The following ADGB variants were observed in gnomAD, a reference collection of about 807,000 sequenced individuals.
The protein encoded by ADGB is calpain-7-like protein.
ADGB carries 172 observed loss-of-function variants against 210.5 expected under a neutral mutation model. The observed-to-expected ratio is 0.82, with a 90% confidence interval of 0.72 to 0.93. ADGB has a LOEUF of 0.93. ADGB is among the 40% of genes least tolerant of loss of function. The probability of loss-of-function intolerance (pLI) is 0.00; values close to 1 mark genes in which losing one functional copy is unlikely to be tolerated. For missense variants in ADGB, 2,025 were observed against 1,964.8 expected (o/e 1.03, Z -0.58); for synonymous variants, 658 against 662.7 (o/e 0.99, Z 0.11).
At chr6:146,774,699 T>C (rs1345904883) in intron 29 of ADGB, among the ~76,000 whole-genome samples, 1 of 152,200 alleles carries the variant, frequency 6.6e-6, no homozygotes, top group Non-Finnish European at 1.5e-5. Context: ...ATGTATCAAT[T>C]ATATATACAA....
At chr6:146,682,392 A>G (rs750091843) in intron 9 of ADGB, among the ~76,000 whole-genome samples, 261 of 152,276 alleles carry the variant, frequency 1.7e-3, no homozygotes, top group Middle Eastern at 3.4e-3. Flanking sequence ...TATAATTAGT[A>G]TGGCAGTTGT....
intron 10 of ADGB, among the ~76,000 whole-genome samples, chr6:146,689,684 A>C (rs1776275889): frequency 6.6e-6 from 1 of 152,108 alleles, no homozygotes; most frequent in African/African-American, 2.4e-5. Flanking sequence ...TTTGAGTTTG[A>C]CTTCTATTTT....
At chr6:146,674,297 A>G (rs796578240) in intron 8 of ADGB, among the ~76,000 whole-genome samples, 8 of 152,300 alleles carry the variant, frequency 5.3e-5, no homozygotes, top group African/African-American at 1.9e-4. Context: ...GGAAGCTGAT[A>G]GAGAAGAATG....
At chr6:146,670,434 G>A (rs575715667) in intron 7 of ADGB, among the ~76,000 whole-genome samples, 2 of 152,090 alleles carry the variant, frequency 1.3e-5, no homozygotes, top group South Asian at 2.1e-4. Context: ...TCTACCTTAC[G>A]GTCCTTACAT....
intron 14 of ADGB, among the ~76,000 whole-genome samples, chr6:146,715,733 A>C (rs936289227): frequency 2.6e-5 from 4 of 152,142 alleles, no homozygotes; most frequent in African/African-American, 9.7e-5. Context: ...CCAAGAATTG[A>C]ATTCAAAATT....
chr6:146,733,141 C>G lies in ADGB; in HGVS notation c.2542C>G (p.Arg848Gly). The change falls in exon 21 of 36, where the codon CGT (arginine) becomes GGT (glycine). Residue 848 changes from arginine to glycine, a missense_variant. Coordinates refer to ENST00000397944, the MANE Select transcript of ADGB (RefSeq NM_024694.4). The part of the protein sequence containing the change: ...HFRVFHLSLW[R>G]LMKKVQITKP... ...TCAGGTTTTTCATCTTTCCTTATGG[C>G]GTTTAATGAAAAAAGTTCAAATAAC... 2.6e-6 allele frequency: 4 copies of G among 1,526,526 alleles called. No homozygotes were observed. Among genetic ancestry groups the G allele is most frequent in the South Asian group, 1.3e-5 (1 of 79,300 alleles). 94.6% of individuals were successfully genotyped at this position (1,526,526 alleles called of 1,614,324 possible). A position where few individuals can be genotyped will look rare whatever the true frequency, so the allele number is the denominator to read the frequency against.
chr6:146,741,399 T>C (rs981453710), intron 25 of ADGB, 128 bp downstream of exon 25: 2 of 778,110 alleles, frequency 2.6e-6, no homozygotes, highest in African/African-American at 3.6e-5. Flanking sequence ...CCCTGATCTT[T>C]CACTATAGAA....
intron 33 of ADGB, among the ~76,000 whole-genome samples, chr6:146,795,914 G>A: frequency 6.6e-6 from 1 of 152,086 alleles, no homozygotes. Context: ...CAAACTCGCT[G>A]TTTGCTGATG....
chr6:146,809,591 G>T (rs1372896729), intron 35 of ADGB, among the ~76,000 whole-genome samples: 1 of 152,092 alleles, frequency 6.6e-6, no homozygotes, highest in Non-Finnish European at 1.5e-5. Context: ...ATCCACCCAT[G>T]TCAGCTTGCT....
intron 12 of ADGB, 143 bp from the exon 13 acceptor site, chr6:146,700,798 A>G: frequency 3.2e-6 from 3 of 940,150 alleles, no homozygotes; most frequent in Non-Finnish European, 4.7e-6. Context: ...TGAGGTAAAA[A>G]ACATTACTGG....
intron 1 of ADGB, among the ~76,000 whole-genome samples, chr6:146,600,960 ACACAC>A (rs1780548527): frequency 2.0e-5 from 3 of 151,122 alleles, no homozygotes; most frequent in Admixed American, 6.6e-5. Context: ...ACACACACAC[ACACAC>A]AAATAACTAA....
At chr6:146,691,411 A>ATATATATATATAT (rs1776305900) in intron 11 of ADGB, 121 bp downstream of exon 11, 7 of 98,266 alleles carry the variant, frequency 7.1e-5, no homozygotes, top group African/African-American at 5.8e-4. Flanking sequence ...GCCTATGTTT[A>ATATATATATATAT]ATATATATAT....
intron 4 of ADGB, among the ~76,000 whole-genome samples, chr6:146,656,115 C>A (rs1341237574): frequency 3.3e-5 from 5 of 152,182 alleles, no homozygotes; most frequent in African/African-American, 1.2e-4. Flanking sequence ...AAGCAACTTT[C>A]CCAGCAGCAG....
At chr6:146,765,356 AT>A (rs1777556141) in intron 28 of ADGB, among the ~76,000 whole-genome samples, 1 of 152,094 alleles carries the variant, frequency 6.6e-6, no homozygotes, top group South Asian at 2.1e-4. Flanking sequence ...TGAAAAAAAA[AT>A]CTAAATATAA....
At chr6:146,651,282 T>A (rs1488074748) in intron 3 of ADGB, among the ~76,000 whole-genome samples, 2 of 152,152 alleles carry the variant, frequency 1.3e-5, no homozygotes, top group Admixed American at 1.3e-4. Flanking sequence ...GCTCCACTCA[T>A]TGGAAACTAG....
intron 1 of ADGB, among the ~76,000 whole-genome samples, chr6:146,608,991 G>T (rs1190911678): frequency 6.6e-6 from 1 of 152,138 alleles, no homozygotes; most frequent in Non-Finnish European, 1.5e-5. Context: ...CAGTATTATT[G>T]TGTGGTTATC....
At chr6:146,702,718 T>C (rs977734416) in intron 13 of ADGB, among the ~76,000 whole-genome samples, 19 of 151,952 alleles carry the variant, frequency 1.3e-4, no homozygotes, top group African/African-American at 4.6e-4. Flanking sequence ...TCATAATTTT[T>C]TATTATGTAA....
intron 1 of ADGB, among the ~76,000 whole-genome samples, chr6:146,631,039 T>C (rs1465861095): frequency 6.6e-6 from 1 of 152,076 alleles, no homozygotes; most frequent in Non-Finnish European, 1.5e-5. Context: ...ATATACAAAA[T>C]ATTGGCAAAA....
intron 12 of ADGB, among the ~76,000 whole-genome samples, chr6:146,698,843 C>T: frequency 6.6e-6 from 1 of 152,058 alleles, no homozygotes; most frequent in East Asian, 1.9e-4. Context: ...TTGCCTCAGT[C>T]TCTTGAGTAG....
Sources: allele counts gnomAD v4.1 joint callset (sites outside exome capture counted in the v4.1 genomes callset), GRCh38; gene constraint gnomAD v4.1.1; transcripts MANE v1.5; gene names NCBI Gene and HGNC (gene_info 2026-07-23, HGNC 2026-07-21).